Variants in PIK3R5 observed in about 807,000 individuals in gnomAD.
PIK3R5 encodes the protein phosphoinositide 3-kinase regulatory subunit 5.
Under a neutral mutation model 94.9 loss-of-function variants are expected in PIK3R5, and 32 were observed. That is an observed-to-expected ratio of 0.34 (90% CI 0.25 to 0.45). The LOEUF (loss-of-function observed/expected upper bound fraction) is 0.45. Ranked by LOEUF, PIK3R5 falls within the 20% of genes least tolerant of loss-of-function variation. The pLI, the probability that PIK3R5 is intolerant of heterozygous loss-of-function variation, is 1.00. For synonymous variants in PIK3R5, 443 were observed against 479.4 expected, an observed-to-expected ratio of 0.92 and a Z score of 0.99; for missense variants, 853 against 1,144.6, an observed-to-expected ratio of 0.75 and a Z score of 3.68.
chr17:8,909,838 T>C lies in PIK3R5; in HGVS notation c.104-664A>G, dbSNP rs2090484928. On this transcript the variant is annotated intron_variant, in intron 2 of 18. Transcript: ENST00000447110. This position sits in a 1 kb window ranked among gnomAD's most constrained non-coding sequence, Gnocchi z 4.3. ...TTCCTACAGTGGGTTCTGGTACCTA[T>C]GAGTTGCAGGGAGGTTAGAACAGAG... is the stretch of plus-strand genomic sequence containing the variant. Among the ~76,000 whole-genome samples, 1 of 152,152 alleles carries C rather than the reference T, an allele frequency of 6.6e-6. No individual in the cohort carries two copies. Among genetic ancestry groups the C allele is most frequent in the South Asian group, 2.1e-4 (1 of 4,830 alleles).
chr17:8,931,452 C>T (rs574737316), intron 1 of PIK3R5, among the ~76,000 whole-genome samples: 65 of 152,238 alleles, frequency 4.3e-4, no homozygotes, highest in African/African-American at 1.5e-3. Flanking sequence ...GACTGTAATC[C>T]CTCAGGGAAG....
intron 6 of PIK3R5, among the ~76,000 whole-genome samples, chr17:8,891,306 G>A (rs537276942): frequency 6.6e-6 from 1 of 152,314 alleles, no homozygotes; most frequent in South Asian, 2.1e-4. Context: ...CAGTTTTCAG[G>A]GGGAGCTGGA....
Position 8,886,211 on chromosome 17 carries a change from T to C in PIK3R5, c.2128+18A>G, listed in dbSNP as rs1300240306. ...CAGGCCCCGCCTCACCGTCTGTCTCTGCTCAGGCAGTACCCACCTGACGCC... is the reference window on the plus strand; with the variant it reads ...CAGGCCCCGCCTCACCGTCTGTCTCCGCTCAGGCAGTACCCACCTGACGCC... On this transcript the variant is annotated intron_variant, in intron 14 of 18. Transcript: ENST00000447110. The C allele has an allele frequency of 1.3e-6, 2 of 1,593,126 alleles. No individual in the cohort carries two copies. The highest frequency in any genetic ancestry group is 1.7e-5 in the Admixed American group (1 of 59,994).
intron 2 of PIK3R5, among the ~76,000 whole-genome samples, chr17:8,910,324 TA>T (rs956713956): frequency 6.6e-6 from 1 of 152,206 alleles, no homozygotes. Flanking sequence ...AAAGGTCAGA[TA>T]TTTTTATATT....
chr17:8,914,689 C>A (rs1456013512), intron 1 of PIK3R5, among the ~76,000 whole-genome samples: 1 of 152,228 alleles, frequency 6.6e-6, no homozygotes, highest in African/African-American at 2.4e-5. Flanking sequence ...GGCAAACTCG[C>A]TCGCCTGCTC....
intron 1 of PIK3R5, among the ~76,000 whole-genome samples, chr17:8,954,990 G>C (rs2091444245): frequency 6.6e-6 from 1 of 151,114 alleles, no homozygotes; most frequent in Non-Finnish European, 1.5e-5. Context: ...AGCACCTGGA[G>C]TTTGCATCTG....
At chr17:8,895,745 C>T (rs191666187) in intron 5 of PIK3R5, among the ~76,000 whole-genome samples, 1 of 152,136 alleles carries the variant, frequency 6.6e-6, no homozygotes, top group Admixed American at 6.5e-5. Flanking sequence ...GGACTCCACG[C>T]GACTGTTGCT....
rs962068521 is a variant in PIK3R5 at position 8,925,795 on chromosome 17, G to A, written c.-13-14288C>T. ...TTCCTTGGATGCTTCATCCCCTTTT[G>A]TCTTTTCCTTTAATGCAGATAGATG... On this transcript the variant is annotated intron_variant, in intron 1 of 18. Coordinates refer to ENST00000447110, the MANE Select transcript of PIK3R5 (RefSeq NM_001142633.3). The surrounding 1 kb of genome is among the most constrained non-coding windows in gnomAD (Gnocchi z 5.1). Among the ~76,000 whole-genome samples the A allele has an allele frequency of 8.5e-5, 13 of 152,182 alleles. No individual in the cohort carries two copies. The highest frequency in any genetic ancestry group is 3.1e-4 in the African/African-American group (13 of 41,434).
rs1002514984 is a variant in PIK3R5 at position 8,935,837 on chromosome 17, G to A, written c.-13-24330C>T. Among the ~76,000 whole-genome samples, 1 of 151,998 alleles carries A rather than the reference G, an allele frequency of 6.6e-6. No individual in the cohort carries two copies. The highest frequency in any genetic ancestry group is 1.5e-5 in the Non-Finnish European group (1 of 67,988). ...TGGGAGGCTGAGGCGGGCGGATCAC[G>A]AGGTCAGGAGATCGAGACTATACTG... On this transcript the variant is annotated intron_variant, in intron 1 of 18. Transcript: ENST00000447110. The surrounding 1 kb of genome is among the most constrained non-coding windows in gnomAD (Gnocchi z 4.5).
intron 1 of PIK3R5, among the ~76,000 whole-genome samples, chr17:8,937,657 C>A (rs1230926114): frequency 6.6e-6 from 1 of 152,122 alleles, no homozygotes; most frequent in Non-Finnish European, 1.5e-5. Flanking sequence ...AGGATTTTTA[C>A]ACCTATATTA....
At position 8,911,298 on chromosome 17, in the gene PIK3R5, G is replaced by T; in HGVS notation, c.103+94C>A. On this transcript the variant is annotated intron_variant, in intron 2 of 18. Coordinates refer to ENST00000447110, the MANE Select transcript of PIK3R5 (RefSeq NM_001142633.3). This position sits in a 1 kb window ranked among gnomAD's most constrained non-coding sequence, Gnocchi z 5.3. ...AGTCACACAGACAGGGTTTCACCTAGAATTTGCCAGTTTCCATGCCTGGTC... is the reference window on the plus strand; with the variant it reads ...AGTCACACAGACAGGGTTTCACCTATAATTTGCCAGTTTCCATGCCTGGTC... 1.1e-6 allele frequency: 1 copy of T among 946,782 alleles called. No homozygotes were observed. Among genetic ancestry groups the T allele is most frequent in the Non-Finnish European group, 1.7e-6 (1 of 604,802 alleles). 58.6% of individuals were successfully genotyped at this position (946,782 alleles called of 1,614,324 possible).
intron 1 of PIK3R5, among the ~76,000 whole-genome samples, chr17:8,933,939 G>T (rs1042534937): frequency 3.3e-5 from 5 of 152,162 alleles, no homozygotes; most frequent in Non-Finnish European, 1.5e-5. Context: ...CAGTAAGAGG[G>T]AACTGCTCAA....
In PIK3R5 at chr17:8,880,563, C is replaced by T. The variant is rs2089627862; in HGVS notation, c.*76G>A. 2 of 1,407,780 alleles carry T rather than the reference C, an allele frequency of 1.4e-6. No homozygotes were observed. The highest frequency in any genetic ancestry group is 2.9e-5 in the African/African-American group (2 of 69,608). 87.2% of individuals were successfully genotyped at this position (1,407,780 alleles called of 1,614,324 possible). ...CTGCACAGGGCCATTCAGTTCTCCACAGAGAGGGACTGTCCTGGAGGGGTG... is the reference window on the plus strand; with the variant it reads ...CTGCACAGGGCCATTCAGTTCTCCATAGAGAGGGACTGTCCTGGAGGGGTG... On this transcript the variant is annotated 3_prime_UTR_variant, in exon 19 of 19. Coordinates refer to ENST00000447110, the MANE Select transcript of PIK3R5 (RefSeq NM_001142633.3).
chr17:8,938,207 G>C (rs1019104548), intron 1 of PIK3R5, among the ~76,000 whole-genome samples: 7 of 152,154 alleles, frequency 4.6e-5, no homozygotes, highest in Non-Finnish European at 8.8e-5. Context: ...TTATTTAATA[G>C]ATATAGGCCT....
rs769901714 is a variant in PIK3R5, at chr17:8,890,887, C to T, written c.508G>A (p.Glu170Lys). The change falls in exon 7 of 19, where the codon GAA (glutamate) becomes AAA (lysine). Residue 170 changes from glutamate to lysine, a missense_variant. This residue lies in a region of PIK3R5 where 161 missense variants were observed against 249.5 expected (regional missense o/e 0.65). Coordinates refer to ENST00000447110, the MANE Select transcript of PIK3R5 (RefSeq NM_001142633.3). The surrounding 1 kb of genome is among the most constrained non-coding windows in gnomAD (Gnocchi z 6.1). The stretch of plus-strand genomic sequence containing the variant: ...ACAGCAAGGAACTCGGCCTGCACTT[C>T]CACTGGGTTCAGCAGCAGCACGGTG... The part of the protein sequence containing the change: ...TVTVLLLNPV[E>K]VQAEFLAVAN... 1 of 1,613,730 alleles carries T rather than the reference C, an allele frequency of 6.2e-7. No individual in the cohort carries two copies.
intron 1 of PIK3R5, among the ~76,000 whole-genome samples, chr17:8,923,885 C>A (rs2090804087): frequency 7.7e-6 from 1 of 129,998 alleles, no homozygotes; most frequent in Admixed American, 7.7e-5. Flanking sequence ...CCTTCCCCTC[C>A]CCTCCCCTCC....
chr17:8,915,474 A>T (rs550684047), intron 1 of PIK3R5, among the ~76,000 whole-genome samples: 2 of 151,388 alleles, frequency 1.3e-5, no homozygotes, highest in African/African-American at 4.8e-5. Flanking sequence ...GCCCCACCAC[A>T]TCTATCTACA....
intron 1 of PIK3R5, among the ~76,000 whole-genome samples, chr17:8,939,528 G>A (rs1392555661): frequency 6.6e-6 from 1 of 152,188 alleles, no homozygotes; most frequent in East Asian, 1.9e-4. Flanking sequence ...TCTAATCACT[G>A]TGATCACCTA....
chr17:8,943,671 G>T (rs1436308872), intron 1 of PIK3R5, among the ~76,000 whole-genome samples: 1 of 152,142 alleles, frequency 6.6e-6, no homozygotes, highest in East Asian at 1.9e-4. Context: ...TGTTCAGGAG[G>T]CTGAGGCAGG....
Sources: gnomAD v4.1 joint callset for allele counts (sites outside exome capture counted in the v4.1 genomes callset) on GRCh38, gnomAD v4.1.1 for gene constraint, gnomAD v4.1.1 regional missense constraint, Gnocchi (gnomAD v3.1) non-coding constraint, MANE v1.5 for transcripts, NCBI Gene and HGNC (gene_info 2026-07-23, HGNC 2026-07-21) for gene names.